Variants in SLC7A2 observed in about 807,000 individuals in gnomAD.
SLC7A2 encodes the protein solute carrier family 7 member 2, also known as cationic amino acid transporter 2.
In SLC7A2, 48 loss-of-function variants were observed where a neutral mutation model predicts 58.9. The ratio of observed to expected loss-of-function variants is 0.82; its 90% confidence interval spans 0.65 to 1.04. SLC7A2 has a LOEUF of 1.04. SLC7A2 is among the 50% of genes least tolerant of loss of function. The pLI, the probability that SLC7A2 is intolerant of heterozygous loss-of-function variation, is 0.00. For synonymous variants in SLC7A2, 363 were observed against 314.5 expected, an observed-to-expected ratio of 1.15 and a Z score of -1.63; for missense variants, 1,029 against 818.8, an observed-to-expected ratio of 1.26 and a Z score of -3.13.
At chr8:17,544,218 G>T (rs1048381353) in intron 3 of SLC7A2, among the ~76,000 whole-genome samples, 1 of 152,132 alleles carries the variant, frequency 6.6e-6, no homozygotes, top group Admixed American at 6.5e-5. Flanking sequence ...CTTTTAGTGG[G>T]CTTGCAAACT....
chr8:17,499,286 C>G (rs1413121100), intron 1 of SLC7A2: 1 of 151,054 alleles, frequency 6.6e-6, no homozygotes, highest in Non-Finnish European at 1.5e-5. Context: ...CCCTCTCTAT[C>G]CCTCTTTCCC....
Position 17,565,815 on chromosome 8 carries a change from A to T in SLC7A2, c.*669A>T, listed in dbSNP as rs1803240407. On this transcript the variant is annotated 3_prime_UTR_variant, in exon 13 of 13. Transcript: ENST00000494857. Reference sequence around the variant, plus strand: ...CAGGGGTGTCTGCTTCTGCTGCACTACACAGGCCAGGAGTGGCATTCCATG... The same window carrying T: ...CAGGGGTGTCTGCTTCTGCTGCACTTCACAGGCCAGGAGTGGCATTCCATG... 1 of 152,266 alleles carries T rather than the reference A, an allele frequency of 6.6e-6. No homozygotes were observed. The highest frequency in any genetic ancestry group is 2.4e-5 in the African/African-American group (1 of 41,466). 9.4% of individuals were successfully genotyped at this position (152,266 alleles called of 1,614,324 possible).
chr8:17,497,538 GA>G (rs756705789), intron 1 of SLC7A2, among the ~76,000 whole-genome samples: 26 of 152,208 alleles, frequency 1.7e-4, no homozygotes, highest in Non-Finnish European at 3.7e-4. Flanking sequence ...TCTGCCCGGG[GA>G]CTTCGGGGAC....
chr8:17,538,440 T>G (rs2720553), intron 2 of SLC7A2, among the ~76,000 whole-genome samples: 149,490 of 152,240 alleles, frequency 0.98, 73,457 homozygotes, highest in East Asian at 1. Context: ...GAATGCCAAG[T>G]TTTGTGGTTT....
At chr8:17,513,027 C>T (rs1386859958) in intron 2 of SLC7A2, among the ~76,000 whole-genome samples, 1 of 152,124 alleles carries the variant, frequency 6.6e-6, no homozygotes, top group Non-Finnish European at 1.5e-5. Flanking sequence ...TTTTATTAGT[C>T]CATTTCTCCA....
chr8:17,562,961 C>T (rs186050201), intron 11 of SLC7A2, among the ~76,000 whole-genome samples: 21 of 151,436 alleles, frequency 1.4e-4, no homozygotes, highest in African/African-American at 4.9e-4. Context: ...GGCAACATAG[C>T]GAGACCCCAT....
At chr8:17,515,963 T>C (rs916972010) in intron 2 of SLC7A2, among the ~76,000 whole-genome samples, 33 of 152,168 alleles carry the variant, frequency 2.2e-4, no homozygotes, top group African/African-American at 8.0e-4. Flanking sequence ...ACTCTTTTTA[T>C]ATGATATCCT....
At chr8:17,500,800 AC>A (rs1800126382) in intron 1 of SLC7A2, among the ~76,000 whole-genome samples, 1 of 400 alleles carries the variant, frequency 2.5e-3, no homozygotes, top group Admixed American at 0.056. Flanking sequence ...ACACACACAT[AC>A]ACACACACAC....
At position 17,567,176 on chromosome 8, in the gene SLC7A2, G is replaced by A. The variant is rs947130301; in HGVS notation, c.*2030G>A. ...GAAGGAGTTGGATAAGCACAGGCTC[G>A]GGTATTTTGGTAGGGACTGTAGGCA... On this transcript the variant is annotated 3_prime_UTR_variant, in exon 13 of 13. Coordinates refer to ENST00000494857, the MANE Select transcript of SLC7A2 (RefSeq NM_001370338.1). 4 of 152,538 alleles carry A rather than the reference G, an allele frequency of 2.6e-5. No homozygotes were observed. The highest frequency in any genetic ancestry group is 1.9e-4 in the East Asian group (1 of 5,196). The allele number at this position is 152,538 out of a possible 1,614,324, so 9.4% of individuals were successfully genotyped here.
Position 17,565,550 on chromosome 8 carries a change from G to C in SLC7A2, c.*404G>C, listed in dbSNP as rs1384901012. On this transcript the variant is annotated 3_prime_UTR_variant, in exon 13 of 13. Coordinates refer to ENST00000494857, the MANE Select transcript of SLC7A2 (RefSeq NM_001370338.1). ...AGAGGGAAATCACTGAATGTAAAGAGGTTTCATCTATGCCCCCTGCAGTTG... is the reference window on the plus strand; with the variant it reads ...AGAGGGAAATCACTGAATGTAAAGACGTTTCATCTATGCCCCCTGCAGTTG... 2 of 158,868 alleles carry C rather than the reference G, an allele frequency of 1.3e-5. No individual in the cohort carries two copies. The highest frequency in any genetic ancestry group is 1.2e-4 in the Admixed American group (2 of 16,356). The allele number at this position is 158,868 out of a possible 1,614,324, so 9.8% of individuals were successfully genotyped here. A position where few individuals can be genotyped will look rare whatever the true frequency, so the allele number is the denominator to read the frequency against.
At chr8:17,522,198 G>T (rs1424915941) in intron 2 of SLC7A2, among the ~76,000 whole-genome samples, 1 of 152,174 alleles carries the variant, frequency 6.6e-6, no homozygotes, top group Non-Finnish European at 1.5e-5. Flanking sequence ...GTCTTACAGG[G>T]TGGCAGACAG....
intron 8 of SLC7A2, chr8:17,555,164 A>G (rs770782024): frequency 1.5e-6 from 2 of 1,311,376 alleles, no homozygotes; most frequent in South Asian, 1.4e-5. Flanking sequence ...GAGGGTCTGC[A>G]TGCTGTGCAT....
At position 17,543,651 on chromosome 8, in the gene SLC7A2, C is replaced by T. The variant is rs372622402; in HGVS notation, c.312C>T (p.Tyr104=). Residue 104 remains tyrosine (Y), a synonymous_variant, in exon 3 of 13, where the codon TAC becomes TAT. Transcript: ENST00000494857. ...CGGGGTCTGCATATTTGTACACCTA[C>T]GTGACTGTCGGAGAGCTGTGGGCCT... ...PKTGSAYLYT[Y]VTVGELWAFI... is the part of the protein sequence containing the mutation. 19 of 1,551,710 alleles carry T rather than the reference C, an allele frequency of 1.2e-5. No homozygotes were observed. Among genetic ancestry groups the T allele is most frequent in the East Asian group, 1.1e-4 (5 of 44,404 alleles).
chr8:17,561,856 A>G (rs1803005603), intron 10 of SLC7A2, 88 bp from the exon 11 acceptor site: 2 of 1,243,764 alleles, frequency 1.6e-6, no homozygotes, highest in East Asian at 2.3e-5. Context: ...TACAGAAGTC[A>G]GTGTTTTATC....
Position 17,561,581 on chromosome 8 carries a change from C to T in SLC7A2, c.1505-363C>T, listed in dbSNP as rs147859940. Among the ~76,000 whole-genome samples the T allele has an allele frequency of 2.3e-4, 35 of 152,194 alleles. No individual in the cohort carries two copies. In the East Asian group the frequency reaches 6.8e-3, roughly 29 times the overall value. On this transcript the variant is annotated intron_variant, in intron 10 of 12. Transcript: ENST00000494857. ...CATGTTTACGACAGCTTAAAATAACCAGATGTGCCATTTCCCATTTGAAAA... is the reference window on the plus strand; with the variant it reads ...CATGTTTACGACAGCTTAAAATAACTAGATGTGCCATTTCCCATTTGAAAA...
intron 2 of SLC7A2, among the ~76,000 whole-genome samples, chr8:17,503,513 G>A (rs369001884): frequency 8.6e-5 from 13 of 151,850 alleles, no homozygotes; most frequent in South Asian, 2.1e-4. Context: ...CTCATAGTTC[G>A]CAGAATATTT....
intron 2 of SLC7A2, among the ~76,000 whole-genome samples, chr8:17,522,190 C>G (rs926319469): frequency 3.9e-5 from 6 of 152,152 alleles, no homozygotes; most frequent in African/African-American, 1.2e-4. Context: ...AAAGTCACGT[C>G]TTACAGGGTG....
upstream of SLC7A2, among the ~76,000 whole-genome samples, chr8:17,496,705 C>T (rs996496021): frequency 6.6e-6 from 1 of 152,150 alleles, no homozygotes; most frequent in Non-Finnish European, 1.5e-5. Context: ...TTTCTTATTT[C>T]CAAAATCTTT....
intron 11 of SLC7A2, among the ~76,000 whole-genome samples, chr8:17,563,102 C>G: frequency 6.6e-6 from 1 of 152,190 alleles, no homozygotes; most frequent in East Asian, 1.9e-4. Flanking sequence ...ATCATAGTAT[C>G]ACTGCACTCT....
Sources: gnomAD v4.1 joint callset for allele counts (sites outside exome capture counted in the v4.1 genomes callset) on GRCh38, gnomAD v4.1.1 for gene constraint, MANE v1.5 for transcripts, NCBI Gene and HGNC (gene_info 2026-07-23, HGNC 2026-07-21) for gene names.